Variants in CTNNA2 observed in about 807,000 individuals in gnomAD.
CTNNA2 encodes the protein catenin alpha-2.
Under a neutral mutation model 101.0 loss-of-function variants are expected in CTNNA2, and 42 were observed. The observed-to-expected ratio is 0.42, with a 90% confidence interval of 0.32 to 0.54. The LOEUF (loss-of-function observed/expected upper bound fraction) is 0.54, where lower values mean the gene tolerates loss of function less well. Ranked by LOEUF, CTNNA2 falls within the 20% of genes least tolerant of loss-of-function variation. The pLI is 0.14. For synonymous variants in CTNNA2, 450 were observed against 456.4 expected, an observed-to-expected ratio of 0.99 and a Z score of 0.18; for missense variants, 871 against 1,223.1, an observed-to-expected ratio of 0.71 and a Z score of 4.29.
chr2:79,400,938 C>T (rs1021699661), intron 4 of CTNNA2, among the ~76,000 whole-genome samples: 3 of 151,870 alleles, frequency 2.0e-5, no homozygotes, highest in Admixed American at 6.6e-5. Flanking sequence ...GTGAGATTAA[C>T]AAAAGACTTC....
chr2:79,914,056 A>G, intron 7 of CTNNA2, among the ~76,000 whole-genome samples: 1 of 149,110 alleles, frequency 6.7e-6, no homozygotes. Flanking sequence ...GGTCCCAGCT[A>G]CTCGGGAGGC....
chr2:79,515,668 C>G (rs1294351053), intron 1 of CTNNA2, among the ~76,000 whole-genome samples: 1 of 152,116 alleles, frequency 6.6e-6, no homozygotes, highest in Non-Finnish European at 1.5e-5. Context: ...GAGATGAGTA[C>G]AATTAATAAA....
chr2:80,253,194 C>T (rs1671895498), intron 7 of CTNNA2, among the ~76,000 whole-genome samples: 1 of 152,112 alleles, frequency 6.6e-6, no homozygotes, highest in South Asian at 2.1e-4. Context: ...TCTGTGTCTA[C>T]CCAGCCAGGT....
chr2:79,266,199 G>T (rs928296683), intron 2 of CTNNA2, among the ~76,000 whole-genome samples: 1 of 152,036 alleles, frequency 6.6e-6, no homozygotes, highest in African/African-American at 2.4e-5. Context: ...TTGCATCTCT[G>T]GTTCCTACAG....
intron 7 of CTNNA2, among the ~76,000 whole-genome samples, chr2:79,955,886 T>C (rs1689189589): frequency 6.6e-6 from 1 of 152,152 alleles, no homozygotes; most frequent in African/African-American, 2.4e-5. Context: ...TAGGAGCCGA[T>C]GAGTATACAC....
In CTNNA2 at chr2:79,472,595, A is replaced by G. The variant is rs915654467; in HGVS notation, c.-134-32459A>G. ...TTTCATCCCATTTTTTGCCCCTTTC[A>G]GTTCAAATTAGCAGTTTTTCTGCAG... On this transcript the variant is annotated intron_variant, in intron 4 of 21. Transcript: ENST00000466387. 2.0e-5 allele frequency among the ~76,000 whole-genome samples: 3 copies of G among 152,118 alleles called. No homozygotes were observed. The East Asian group carries it at 5.8e-4, about 29-fold the overall frequency.
chr2:79,358,675 A>G (rs566741389), intron 3 of CTNNA2, among the ~76,000 whole-genome samples: 12 of 152,360 alleles, frequency 7.9e-5, no homozygotes, highest in Non-Finnish European at 1.6e-4. Flanking sequence ...ATTTCTTTCA[A>G]GAAACCAAAG....
At chr2:79,811,081 T>A (rs1403179065) in intron 3 of CTNNA2, among the ~76,000 whole-genome samples, 1 of 150,876 alleles carries the variant, frequency 6.6e-6, no homozygotes, top group East Asian at 1.9e-4. Flanking sequence ...TTTCTAGTTC[T>A]AGATCCCTGA....
intron 9 of CTNNA2, among the ~76,000 whole-genome samples, chr2:80,489,388 T>A (rs1473936014): frequency 6.6e-6 from 1 of 152,138 alleles, no homozygotes; most frequent in African/African-American, 2.4e-5. Flanking sequence ...AATTCTAAGA[T>A]CTGGTATACT....
At chr2:79,666,074 T>C (rs1037218500) in intron 2 of CTNNA2, among the ~76,000 whole-genome samples, 6 of 152,208 alleles carry the variant, frequency 3.9e-5, no homozygotes, top group African/African-American at 1.4e-4. Flanking sequence ...AAAATCTCTT[T>C]TGCAGACTTT....
intron 7 of CTNNA2, among the ~76,000 whole-genome samples, chr2:80,151,351 A>G (rs1479096836): frequency 6.6e-6 from 1 of 152,200 alleles, no homozygotes; most frequent in Non-Finnish European, 1.5e-5. Flanking sequence ...CTCTTGAGCT[A>G]CAGTCTAGTG....
chr2:80,434,244 T>C (rs1681815898), intron 9 of CTNNA2, among the ~76,000 whole-genome samples: 1 of 152,242 alleles, frequency 6.6e-6, no homozygotes, highest in Non-Finnish European at 1.5e-5. Flanking sequence ...TTCATTTTCA[T>C]GTAGTTGCTC....
At chr2:79,370,662 GAATAT>G (rs1383154250) in intron 3 of CTNNA2, among the ~76,000 whole-genome samples, 2 of 151,608 alleles carry the variant, frequency 1.3e-5, no homozygotes, top group Non-Finnish European at 2.9e-5. Context: ...AACCCACTGA[GAATAT>G]AATTAAAATT....
At chr2:79,869,308 A>G (rs928351717) in intron 4 of CTNNA2, among the ~76,000 whole-genome samples, 2 of 152,218 alleles carry the variant, frequency 1.3e-5, no homozygotes, top group African/African-American at 4.8e-5. Context: ...CATTGGATGG[A>G]GAGGTATAAA....
At chr2:80,593,098 A>G (rs1696654242) in intron 15 of CTNNA2, among the ~76,000 whole-genome samples, 1 of 152,158 alleles carries the variant, frequency 6.6e-6, no homozygotes, top group Non-Finnish European at 1.5e-5. Flanking sequence ...GAAACTAAAA[A>G]CATACTCCAG....
intron 18 of CTNNA2, among the ~76,000 whole-genome samples, chr2:80,623,136 C>T (rs796672180): frequency 1.6e-4 from 24 of 149,774 alleles, no homozygotes; most frequent in African/African-American, 5.9e-4. Flanking sequence ...GTTCTCCTTT[C>T]TTCCTCCTAA....
chr2:80,628,637 A>G (rs1671950624), intron 18 of CTNNA2, among the ~76,000 whole-genome samples: 1 of 152,048 alleles, frequency 6.6e-6, no homozygotes, highest in African/African-American at 2.4e-5. Context: ...ACTCATATTT[A>G]GTTGTTCCGC....
At chr2:80,630,336 A>G (rs1389744970) in intron 18 of CTNNA2, among the ~76,000 whole-genome samples, 2 of 152,132 alleles carry the variant, frequency 1.3e-5, no homozygotes, top group African/African-American at 4.8e-5. Context: ...ATATTTACCT[A>G]GTCTCTCTGT....
At chr2:79,186,701 A>C (rs1488149207) in intron 1 of CTNNA2, among the ~76,000 whole-genome samples, 4 of 152,166 alleles carry the variant, frequency 2.6e-5, no homozygotes, top group Non-Finnish European at 5.9e-5. Flanking sequence ...TCTTTTTAAG[A>C]GGAAACAGTA....
Sources: allele counts gnomAD v4.1 joint callset (sites outside exome capture counted in the v4.1 genomes callset), GRCh38; gene constraint gnomAD v4.1.1; transcripts MANE v1.5; gene names NCBI Gene and HGNC (gene_info 2026-07-23, HGNC 2026-07-21).